COL23A1: variants seen among roughly 807,000 people sequenced by gnomAD.
COL23A1 encodes collagen type XXIII alpha 1 chain.
Under a neutral mutation model 99.3 loss-of-function variants are expected in COL23A1, and 97 were observed. The ratio of observed to expected loss-of-function variants is 0.98; its 90% confidence interval spans 0.83 to 1.16. COL23A1 has a LOEUF of 1.16. Among genes scored for constraint, COL23A1 ranks in the 50% most tolerant of loss-of-function variants. COL23A1 has a pLI of 0.00. For synonymous variants in COL23A1, 320 were observed against 308.2 expected (o/e 1.04, Z -0.40); for missense variants, 762 against 757.4 (o/e 1.01, Z -0.07).
At chr5:178,372,561 C>T (rs1762854845) in intron 2 of COL23A1, among the ~76,000 whole-genome samples, 1 of 152,164 alleles carries the variant, frequency 6.6e-6, no homozygotes, top group Non-Finnish European at 1.5e-5. Context: ...AGAGTGACAG[C>T]CCAGCTTCCG....
chr5:178,384,218 C>CGCTGCT lies in COL23A1; in HGVS notation c.362-77305_362-77300dup, dbSNP rs1223215382. On this transcript the variant is annotated intron_variant, in intron 2 of 28. Coordinates refer to ENST00000390654, the MANE Select transcript of COL23A1 (RefSeq NM_173465.4). This position sits in a 1 kb window ranked among gnomAD's most constrained non-coding sequence, Gnocchi z 5.5. Reference sequence around the variant, plus strand: ...ACAACGAGAGCAGCGTGGAGCCAGACGCTGCTGCGAGCTGAGCTGCGATCG... The same window carrying CGCTGCT: ...ACAACGAGAGCAGCGTGGAGCCAGACGCTGCTGCTGCTGCGAGCTGAGCTGCGATCG... Among the ~76,000 whole-genome samples, 1 of 152,222 alleles carries CGCTGCT rather than the reference C, an allele frequency of 6.6e-6. No homozygotes were observed. Among genetic ancestry groups the CGCTGCT allele is most frequent in the South Asian group, 2.1e-4 (1 of 4,828 alleles).
At chr5:178,548,809 G>A (rs916780480) in intron 2 of COL23A1, among the ~76,000 whole-genome samples, 12 of 152,006 alleles carry the variant, frequency 7.9e-5, no homozygotes, top group Admixed American at 5.2e-4. Flanking sequence ...TTTCTATACA[G>A]AATTTTTAAA....
Position 178,256,884 on chromosome 5 carries a change from G to A in COL23A1, c.819C>T (p.Asp273=), listed in dbSNP as rs375953909. 61 of 1,613,302 alleles carry A rather than the reference G, an allele frequency of 3.8e-5. No homozygotes were observed. The highest frequency in any genetic ancestry group is 3.3e-4 in the Middle Eastern group (2 of 6,056). ...ATGTCACCTTCGGTCCTGGGGCACCGTCCACACCGTTCTCTCCCCGAGGCC... is the reference window on the plus strand; with the variant it reads ...ATGTCACCTTCGGTCCTGGGGCACCATCCACACCGTTCTCTCCCCGAGGCC... ...SMGPRGENGV[D]GAPGPKGEPG... Residue 273 remains aspartate, a synonymous_variant, in exon 14 of 29, where the codon GAC becomes GAT. Coordinates refer to ENST00000390654, the MANE Select transcript of COL23A1 (RefSeq NM_173465.4).
chr5:178,442,087 G>A (rs1031491385), intron 2 of COL23A1, among the ~76,000 whole-genome samples: 2 of 151,886 alleles, frequency 1.3e-5, no homozygotes, highest in South Asian at 2.1e-4. Flanking sequence ...CACGCACGCC[G>A]AGTCCTGCAG....
In COL23A1 at chr5:178,241,247, T is replaced by G. The variant is rs529271633; in HGVS notation, c.1581+795A>C. Among the ~76,000 whole-genome samples, 480 of 152,040 alleles carry G rather than the reference T, an allele frequency of 3.2e-3. 4 individuals are homozygous for G. The highest frequency in any genetic ancestry group is 5.2e-3 in the Non-Finnish European group (352 of 67,962). ...GAAAAGAAATAAATGGAGCTGACTT[T>G]TGAACTGTGGTTGTTTCAGGCACCA... On this transcript the variant is annotated intron_variant, in intron 27 of 28. Transcript: ENST00000390654.
At chr5:178,370,665 C>T (rs1012970833) in intron 2 of COL23A1, among the ~76,000 whole-genome samples, 17 of 151,932 alleles carry the variant, frequency 1.1e-4, no homozygotes, top group African/African-American at 3.9e-4. Flanking sequence ...AGGAGATCAG[C>T]CTGGGTAACA....
At chr5:178,585,751 T>TAACACTCCACAGCCC (rs1562115782) in intron 1 of COL23A1, among the ~76,000 whole-genome samples, 43 of 5,224 alleles carry the variant, frequency 8.2e-3, no homozygotes, top group Non-Finnish European at 0.019. Flanking sequence ...GCTGACCCTG[T>TAACACTCCACAGCCC]TGGTTGCTCC....
chr5:178,433,670 A>T (rs1239426655), intron 2 of COL23A1, among the ~76,000 whole-genome samples: 1 of 152,182 alleles, frequency 6.6e-6, no homozygotes, highest in Non-Finnish European at 1.5e-5. Flanking sequence ...CACTCTGAAT[A>T]GTCCAAGGAT....
At chr5:178,398,393 G>A (rs940929242) in intron 2 of COL23A1, among the ~76,000 whole-genome samples, 2 of 152,214 alleles carry the variant, frequency 1.3e-5, no homozygotes, top group Non-Finnish European at 2.9e-5. Flanking sequence ...TTGAGAGGCC[G>A]ACGCAGGCGG....
rs1765238093 is a variant in COL23A1 at position 178,415,125 on chromosome 5, C to T, written c.362-108206G>A. ...AATATGTGAGTGCTGGTTCTCTCTG[C>T]CCCAGTGAGCTGGGCTGCTTGGATT... On this transcript the variant is annotated intron_variant, in intron 2 of 28. Transcript: ENST00000390654. The surrounding 1 kb of genome is among the most constrained non-coding windows in gnomAD (Gnocchi z 4.6). Among the ~76,000 whole-genome samples, 1 of 136,210 alleles carries T rather than the reference C, an allele frequency of 7.3e-6. No individual in the cohort carries two copies. The highest frequency in any genetic ancestry group is 1.6e-5 in the Non-Finnish European group (1 of 62,702). 89.4% of individuals were successfully genotyped at this position (136,210 alleles called of 152,430 possible). A position where few individuals can be genotyped will look rare whatever the true frequency, so the allele number is the denominator to read the frequency against.
chr5:178,250,160 C>A, intron 17 of COL23A1, 55 bp from the exon 18 acceptor site: 1 of 1,607,894 alleles, frequency 6.2e-7, no homozygotes, highest in South Asian at 1.1e-5. Flanking sequence ...AAAGAGGTGT[C>A]AGCAGCCAGA....
At chr5:178,379,107 G>A (rs7732663) in intron 2 of COL23A1, among the ~76,000 whole-genome samples, 16,381 of 151,966 alleles carry the variant, frequency 0.11, 1,820 homozygotes, top group African/African-American at 0.29. Context: ...TTCTGCACAC[G>A]TCAAGCTCAA....
intron 2 of COL23A1, among the ~76,000 whole-genome samples, chr5:178,537,955 C>G (rs1040313227): frequency 6.6e-6 from 1 of 152,232 alleles, no homozygotes; most frequent in Admixed American, 6.5e-5. Context: ...ACCCCAGGTA[C>G]CTCCTATGAG....
At chr5:178,240,421 A>G (rs541070741) in intron 27 of COL23A1, among the ~76,000 whole-genome samples, 24 of 152,278 alleles carry the variant, frequency 1.6e-4, no homozygotes, top group Middle Eastern at 3.4e-3. Context: ...AGGCCCACAC[A>G]GCACACGGCA....
intron 2 of COL23A1, among the ~76,000 whole-genome samples, chr5:178,448,924 T>A (rs746148249): frequency 3.4e-5 from 5 of 148,334 alleles, no homozygotes; most frequent in African/African-American, 9.8e-5. Flanking sequence ...TTTTTTTTTT[T>A]AAATAAACCA....
chr5:178,571,154 G>A (rs772911041), intron 1 of COL23A1, among the ~76,000 whole-genome samples: 1 of 152,164 alleles, frequency 6.6e-6, no homozygotes, highest in Non-Finnish European at 1.5e-5. Flanking sequence ...CTGAGATCAG[G>A]AGTTCGAGAC....
intron 5 of COL23A1, among the ~76,000 whole-genome samples, chr5:178,271,636 G>C (rs943754765): frequency 4.6e-5 from 7 of 152,226 alleles, no homozygotes; most frequent in Non-Finnish European, 8.8e-5. Context: ...CAGAAAATGT[G>C]TGCGAAGTCA....
chr5:178,515,531 T>G (rs984733749), intron 2 of COL23A1, among the ~76,000 whole-genome samples: 2 of 152,148 alleles, frequency 1.3e-5, no homozygotes, highest in Non-Finnish European at 2.9e-5. Flanking sequence ...TCCAGGCTCC[T>G]CAGGCCTCCG....
intron 2 of COL23A1, among the ~76,000 whole-genome samples, chr5:178,356,830 G>A (rs1043909276): frequency 6.6e-6 from 1 of 151,830 alleles, no homozygotes; most frequent in East Asian, 1.9e-4. Flanking sequence ...CCAGGGCTCC[G>A]AGCCTCAGGA....
Sources: gnomAD v4.1 joint callset for allele counts (sites outside exome capture counted in the v4.1 genomes callset) on GRCh38, gnomAD v4.1.1 for gene constraint, Gnocchi (gnomAD v3.1) non-coding constraint, MANE v1.5 for transcripts, NCBI Gene and HGNC (gene_info 2026-07-23, HGNC 2026-07-21) for gene names.